The following HCRTR1 variants were observed in gnomAD, a reference collection of about 807,000 sequenced individuals.
The protein encoded by HCRTR1 is orexin/Hypocretin receptor type 1.
HCRTR1 carries 28 observed loss-of-function variants against 40.6 expected under a neutral mutation model. The ratio of observed to expected loss-of-function variants is 0.69; its 90% CI spans 0.51 to 0.95. The LOEUF (loss-of-function observed/expected upper bound fraction) is 0.95. HCRTR1 is among the 40% of genes least tolerant of loss of function. HCRTR1 has a pLI of 0.00. For missense variants in HCRTR1, 482 were observed against 564.7 expected (o/e 0.85, Z 1.48); for synonymous variants, 209 against 230.0 (o/e 0.91, Z 0.83).
chr1:31,633,021 G>T, downstream of HCRTR1: 1 of 1,054,476 alleles, frequency 9.5e-7, no homozygotes, highest in Non-Finnish European at 1.4e-6. Flanking sequence ...ATCTCACCCT[G>T]AACCTAGCTT....
Position 31,627,330 on chromosome 1 carries a change from C to A in HCRTR1, c.*350C>A. On this transcript the variant is annotated 3_prime_UTR_variant, in exon 9 of 9. Transcript: ENST00000403528. ...TTTCCTACCCAATTACAGGCCTTCC[C>A]TGGAGTCTGCTCTAAAGGTCCCAAC... 1 of 1,318,066 alleles carries A rather than the reference C, an allele frequency of 7.6e-7. No homozygotes were observed. Among genetic ancestry groups the A allele is most frequent in the Non-Finnish European group, 9.9e-7 (1 of 1,007,920 alleles). The allele number at this position is 1,318,066 out of a possible 1,614,324, so 81.6% of individuals were successfully genotyped here.
At chr1:31,621,182 G>C in intron 5 of HCRTR1, 96 bp downstream of exon 5, 2 of 1,464,984 alleles carry the variant, frequency 1.4e-6, no homozygotes, top group Non-Finnish European at 1.8e-6. Flanking sequence ...CTTCCAAAGT[G>C]GGAAATCCCA....
chr1:31,623,558 G>A lies in HCRTR1; in HGVS notation c.774G>A (p.Trp258Ter). The A allele has an allele frequency of 6.2e-7, 1 of 1,613,420 alleles. No homozygotes were observed. The highest frequency in any genetic ancestry group is 8.5e-7 in the Non-Finnish European group (1 of 1,179,990). Residue 258 changes from tryptophan (W) to a stop codon, truncating the protein, a stop_gained, in exon 7 of 9, where the codon TGG becomes TGA. Transcript: ENST00000403528. LOFTEE classifies it high-confidence loss of function. ...PGTTSALVRN[W>*]KRPSDQLGDL... ...CCACCTCAGCACTGGTGCGGAACTG[G>A]AAGCGCCCCTCAGACCAGCTGGGGG... is the stretch of plus-strand genomic sequence containing the variant.
intron 7 of HCRTR1, 103 bp from the exon 8 acceptor site, chr1:31,624,894 T>C: frequency 7.9e-7 from 1 of 1,268,168 alleles, no homozygotes; most frequent in South Asian, 1.7e-5. Context: ...AAGTGGGCAG[T>C]AGGAACTCTT....
chr1:31,620,913 A>G lies in HCRTR1; in HGVS notation c.449A>G (p.His150Arg). ...CTGGACCGCTGGTATGCCATCTGCC[A>G]CCCACTATTGTTCAAGAGCACAGCC... ...IALDRWYAICHPLLFKSTARR... is the reference protein window; with the variant it reads ...IALDRWYAICRPLLFKSTARR... Residue 150 changes from histidine (H) to arginine (R), a missense_variant, in exon 5 of 9, where the codon CAC (histidine) becomes CGC (arginine). By Grantham distance (29) the His-to-Arg change is conservative. Coordinates refer to ENST00000403528, the MANE Select transcript of HCRTR1 (RefSeq NM_001525.3). 1 of 1,614,070 alleles carries G rather than the reference A, an allele frequency of 6.2e-7. No homozygotes were observed. The highest frequency in any genetic ancestry group is 8.5e-7 in the Non-Finnish European group (1 of 1,180,008).
At chr1:31,632,537 G>C (rs781079521), downstream of HCRTR1, 1 of 1,614,204 alleles carries the variant, frequency 6.2e-7, no homozygotes, top group Admixed American at 1.7e-5. Context: ...GAGCGGTCCC[G>C]GTCATACTGC....
chr1:31,625,227 C>A lies in HCRTR1; in HGVS notation c.1087+109C>A, dbSNP rs1639951018. On this transcript the variant is annotated intron_variant, in intron 8 of 8. Transcript: ENST00000403528. This position sits in a 1 kb window ranked among gnomAD's most constrained non-coding sequence, Gnocchi z 4.2. ...ATAAAGGATGGTGGGTGAGGATGTA[C>A]CTGCTGTGGGCACAGTGATCCTGCT... is the stretch of plus-strand genomic sequence containing the variant. 2 of 1,307,322 alleles carry A rather than the reference C, an allele frequency of 1.5e-6. No homozygotes were observed. The highest frequency in any genetic ancestry group is 2.4e-5 in the Admixed American group (1 of 42,098). The allele number at this position is 1,307,322 out of a possible 1,614,324, so 81.0% of individuals were successfully genotyped here. A position where few individuals can be genotyped will look rare whatever the true frequency, so the allele number is the denominator to read the frequency against.
downstream of HCRTR1, chr1:31,633,451 T>C: frequency 1.1e-6 from 1 of 943,486 alleles, no homozygotes; most frequent in South Asian, 1.8e-5. Context: ...CTGACATTCT[T>C]ACTCTGATGG....
chr1:31,632,691 G>A, downstream of HCRTR1: 1 of 1,591,252 alleles, frequency 6.3e-7, no homozygotes, highest in Non-Finnish European at 8.6e-7. Context: ...TGAAGGCCAA[G>A]GGTCCCCCTC....
intron 6 of HCRTR1, among the ~76,000 whole-genome samples, chr1:31,622,941 C>T (rs1001931816): frequency 2.0e-5 from 3 of 152,198 alleles, no homozygotes; most frequent in African/African-American, 7.2e-5. Context: ...GGTTCCCCAC[C>T]TCTTTGAGTC....
downstream of HCRTR1, chr1:31,630,845 G>T (rs771880451): frequency 2.6e-5 from 42 of 1,600,600 alleles, no homozygotes; most frequent in Non-Finnish European, 3.5e-5. Flanking sequence ...GGACAGAGCT[G>T]GAGAAGAGGG....
downstream of HCRTR1, among the ~76,000 whole-genome samples, chr1:31,629,248 C>T (rs1640033852): frequency 6.6e-6 from 1 of 152,210 alleles, no homozygotes; most frequent in Non-Finnish European, 1.5e-5. Flanking sequence ...GCAAAACAGT[C>T]ATAGTTACTT....
Position 31,623,787 on chromosome 1 carries a change from T to G in HCRTR1, c.965+38T>G, listed in dbSNP as rs556222079. The G allele has an allele frequency of 7.2e-6, 11 of 1,525,972 alleles. No homozygotes were observed. In the South Asian group the frequency reaches 1.2e-4, roughly 16 times the overall value. The allele number at this position is 1,525,972 out of a possible 1,614,324, so 94.5% of individuals were successfully genotyped here. On this transcript the variant is annotated intron_variant, in intron 7 of 8. Transcript: ENST00000403528. ...GGTATGGTTGGGGTGGGGAGAAGTTTGAGGTTGGGGAAGGAGCTCTCCTTG... is the reference window on the plus strand; with the variant it reads ...GGTATGGTTGGGGTGGGGAGAAGTTGGAGGTTGGGGAAGGAGCTCTCCTTG...
downstream of HCRTR1, among the ~76,000 whole-genome samples, chr1:31,631,630 T>C (rs1422087709): frequency 2.0e-5 from 3 of 152,194 alleles, no homozygotes; most frequent in Non-Finnish European, 2.9e-5. Flanking sequence ...GAATTATAAA[T>C]AGTACCTAGC....
intron 6 of HCRTR1, 68 bp downstream of exon 6, chr1:31,621,660 C>A: frequency 9.0e-7 from 1 of 1,109,660 alleles, no homozygotes; most frequent in South Asian, 1.2e-5. Flanking sequence ...GGCTACTGGT[C>A]TAACTGAGTA....
downstream of HCRTR1, among the ~76,000 whole-genome samples, chr1:31,631,734 A>G (rs1640109183): frequency 6.6e-6 from 1 of 152,242 alleles, no homozygotes; most frequent in Non-Finnish European, 1.5e-5. Context: ...ACTAATATCC[A>G]CGACAAAAGC....
rs753934532 is a variant in HCRTR1 at position 31,623,769 on chromosome 1, T to C, written c.965+20T>C. On this transcript the variant is annotated intron_variant, in intron 7 of 8. Coordinates refer to ENST00000403528, the MANE Select transcript of HCRTR1 (RefSeq NM_001525.3). ...TAAGAGGTGAGAGCACGGGGTATGG[T>C]TGGGGTGGGGAGAAGTTTGAGGTTG... The C allele has an allele frequency of 2.5e-6, 4 of 1,592,272 alleles. No homozygotes were observed. The highest frequency in any genetic ancestry group is 2.7e-5 in the African/African-American group (2 of 74,496).
At position 31,619,560 on chromosome 1, in the gene HCRTR1, CAT is replaced by C. The variant is rs1440921486; in HGVS notation, c.229_230del (p.Met77GlufsTer15). On this transcript the variant is annotated frameshift_variant, in exon 4 of 9. Transcript: ENST00000403528. LOFTEE classifies it high-confidence loss of function. ...VCLAVWRNHH[M>X]RTVTNYFIVN... ...GCCTGGCCGTGTGGCGGAACCACCA[CAT>C]GAGGACAGTCACCAACTACTTCATT... 28 of 1,614,028 alleles carry C rather than the reference CAT, an allele frequency of 1.7e-5. No individual in the cohort carries two copies. The highest frequency in any genetic ancestry group is 2.7e-5 in the African/African-American group (2 of 74,934).
At position 31,626,985 on chromosome 1, in the gene HCRTR1, G is replaced by C; in HGVS notation, c.*5G>C. 6.2e-7 allele frequency: 1 copy of C among 1,608,978 alleles called. No homozygotes were observed. The highest frequency in any genetic ancestry group is 8.5e-7 in the Non-Finnish European group (1 of 1,178,548). On this transcript the variant is annotated 3_prime_UTR_variant, in exon 9 of 9. Coordinates refer to ENST00000403528, the MANE Select transcript of HCRTR1 (RefSeq NM_001525.3). The surrounding 1 kb of genome is among the most constrained non-coding windows in gnomAD (Gnocchi z 4.6). The stretch of plus-strand genomic sequence containing the variant: ...GTCACCACAGTGCTGCCCTGAGCGA[G>C]GGCTGCCCTGGAGGCTCCGGCTCGG...
Sources: allele counts gnomAD v4.1 joint callset (sites outside exome capture counted in the v4.1 genomes callset), GRCh38; gene constraint gnomAD v4.1.1; non-coding constraint Gnocchi (gnomAD v3.1); transcripts MANE v1.5; gene names NCBI Gene and HGNC (gene_info 2026-07-23, HGNC 2026-07-21).